The following CDYL variants were observed in gnomAD, a reference collection of about 807,000 sequenced individuals.
CDYL encodes the protein chromodomain Y-like protein.
A neutral mutation model predicts 47.3 loss-of-function variants in CDYL; 8 were observed. That is an observed-to-expected ratio of 0.17 (90% confidence interval 0.10 to 0.31). The LOEUF (loss-of-function observed/expected upper bound fraction) is 0.31. CDYL is among the 10% of genes least tolerant of loss of function. The pLI, the probability that CDYL is intolerant of heterozygous loss-of-function variation, is 1.00. For missense variants in CDYL, 471 were observed against 701.4 expected, an observed-to-expected ratio of 0.67 and a Z score of 3.71; for synonymous variants, 266 against 265.0, an observed-to-expected ratio of 1.00 and a Z score of -0.04.
Position 4,891,877 on chromosome 6 carries a change from G to C in CDYL, c.189G>C (p.Gln63His). 1 of 1,614,188 alleles carries C rather than the reference G, an allele frequency of 6.2e-7. No individual in the cohort carries two copies. The highest frequency in any genetic ancestry group is 8.5e-7 in the Non-Finnish European group (1 of 1,180,040). ...HDFNRRHTEK[Q>H]KESTLTRTNR... ...TCAACAGACGCCACACGGAGAAGCA[G>C]AAGGAGAGCACATTGACCAGAACAA... Residue 63 changes from glutamine to histidine, a missense_variant, in exon 2 of 7, where the codon CAG becomes CAC. Gln to His is a conservative substitution (Grantham distance 24). Around this residue, in one of 3 missense-constraint regions of CDYL, gnomAD observed 311 missense variants for 350.0 expected, o/e 0.89. Coordinates refer to ENST00000397588, the MANE Select transcript of CDYL (RefSeq NM_004824.4).
chr6:4,908,328 G>C (rs1757301331), intron 2 of CDYL, among the ~76,000 whole-genome samples: 1 of 152,158 alleles, frequency 6.6e-6, no homozygotes, highest in Non-Finnish European at 1.5e-5. Context: ...GATGATCAGA[G>C]GGTGCGAGCA....
chr6:4,713,248 G>A (rs1378713483), intron 1 of CDYL, among the ~76,000 whole-genome samples: 3 of 152,146 alleles, frequency 2.0e-5, no homozygotes, highest in Admixed American at 6.5e-5. Context: ...CCTGGATCTC[G>A]TGCTTCTCTG....
At chr6:4,860,687 C>T (rs566112913) in intron 1 of CDYL, among the ~76,000 whole-genome samples, 193 of 150,036 alleles carry the variant, frequency 1.3e-3, no homozygotes, top group Non-Finnish European at 2.3e-3. Flanking sequence ...TTAACTTACA[C>T]AATCACAAGG....
At chr6:4,891,650 A>G in intron 1 of CDYL, 63 bp from the exon 2 acceptor site, 1 of 1,342,936 alleles carries the variant, frequency 7.4e-7, no homozygotes, top group South Asian at 1.4e-5. Flanking sequence ...TTCCTAATGA[A>G]ACTTGCACTT....
intron 1 of CDYL, among the ~76,000 whole-genome samples, chr6:4,808,887 T>G (rs1424734735): frequency 1.3e-5 from 2 of 152,240 alleles, no homozygotes; most frequent in Non-Finnish European, 2.9e-5. Context: ...ACTGCTTGGA[T>G]TCCATTTTTT....
At chr6:4,715,886 G>T in intron 2 of CDYL, 1 of 1,612,616 alleles carries the variant, frequency 6.2e-7, no homozygotes, top group Admixed American at 1.7e-5. Context: ...ACAACGGTAA[G>T]AACTTGCAGG....
intron 2 of CDYL, among the ~76,000 whole-genome samples, chr6:4,901,995 T>C (rs1310363873): frequency 1.3e-5 from 2 of 152,206 alleles, no homozygotes; most frequent in Admixed American, 1.3e-4. Context: ...AAGGGGCTTC[T>C]CTTCCTCCTA....
At chr6:4,860,269 G>A (rs544752446) in intron 1 of CDYL, among the ~76,000 whole-genome samples, 3 of 151,986 alleles carry the variant, frequency 2.0e-5, no homozygotes, top group Non-Finnish European at 4.4e-5. Context: ...TGTGACTTTA[G>A]TGTTAACGTT....
chr6:4,934,169 G>A (rs1758115990), intron 2 of CDYL, among the ~76,000 whole-genome samples: 1 of 152,162 alleles, frequency 6.6e-6, no homozygotes, highest in Admixed American at 6.5e-5. Context: ...TATCCATGGA[G>A]ATACTCTGGA....
At chr6:4,715,405 C>T (rs183726152) in intron 1 of CDYL, among the ~76,000 whole-genome samples, 2 of 152,322 alleles carry the variant, frequency 1.3e-5, no homozygotes, top group East Asian at 3.9e-4. Flanking sequence ...GCCTTCCAAC[C>T]TCATGATAAG....
chr6:4,794,944 T>C (rs912268680), intron 1 of CDYL, among the ~76,000 whole-genome samples: 2 of 152,188 alleles, frequency 1.3e-5, no homozygotes, highest in Admixed American at 6.5e-5. Context: ...CAATTATATC[T>C]TGTGCAAATA....
chr6:4,768,572 A>G (rs1202801206), intron 3 of CDYL, among the ~76,000 whole-genome samples: 1 of 152,218 alleles, frequency 6.6e-6, no homozygotes, highest in Non-Finnish European at 1.5e-5. Context: ...ATGAGTCTCA[A>G]TTGATATAAA....
intron 1 of CDYL, among the ~76,000 whole-genome samples, chr6:4,799,624 A>G (rs1369265115): frequency 1.3e-5 from 2 of 151,864 alleles, no homozygotes; most frequent in African/African-American, 4.8e-5. Context: ...TTTTGTAGAG[A>G]TGGGGTTTCA....
chr6:4,904,721 G>A (rs1351027470), intron 2 of CDYL, among the ~76,000 whole-genome samples: 2 of 152,182 alleles, frequency 1.3e-5, no homozygotes, highest in African/African-American at 4.8e-5. Context: ...TCTGTCTGCA[G>A]TTTAAGTTCT....
chr6:4,796,054 G>C (rs145025299), intron 1 of CDYL, among the ~76,000 whole-genome samples: 28 of 152,190 alleles, frequency 1.8e-4, no homozygotes, highest in African/African-American at 6.3e-4. Context: ...CTGCCTCCCA[G>C]GTTCAAGTGA....
At chr6:4,791,403 C>G in intron 1 of CDYL, among the ~76,000 whole-genome samples, 1 of 152,212 alleles carries the variant, frequency 6.6e-6, no homozygotes, top group Middle Eastern at 3.2e-3. Flanking sequence ...TACTGAAGTA[C>G]TTTAGTTCAC....
chr6:4,741,733 C>A (rs570648363), intron 3 of CDYL, among the ~76,000 whole-genome samples: 1 of 152,308 alleles, frequency 6.6e-6, no homozygotes, highest in Admixed American at 6.5e-5. Flanking sequence ...AGCTGGGCAG[C>A]AATGTGCCTG....
chr6:4,878,730 G>T lies in CDYL; in HGVS notation c.25-12983G>T, dbSNP rs140783175. Among the ~76,000 whole-genome samples, 633 of 151,350 alleles carry T rather than the reference G, an allele frequency of 4.2e-3. 1 individual carries two copies. Among genetic ancestry groups the T allele is most frequent in the African/African-American group, 0.014 (595 of 41,266 alleles). On this transcript the variant is annotated intron_variant, in intron 1 of 6. Transcript: ENST00000397588. ...ATAATATTCCAAAGAAGCATCTTTT[G>T]GCTTTTTAATTGTTATTTGTATTGC... is the stretch of plus-strand genomic sequence containing the variant.
At chr6:4,713,577 A>G (rs865796431) in intron 1 of CDYL, among the ~76,000 whole-genome samples, 2 of 128,586 alleles carry the variant, frequency 1.6e-5, no homozygotes, top group African/African-American at 6.3e-5. Context: ...TAAAACTTCT[A>G]TCATTTAGAT....
Sources: allele counts gnomAD v4.1 joint callset (sites outside exome capture counted in the v4.1 genomes callset), GRCh38; gene constraint gnomAD v4.1.1; regional missense constraint gnomAD v4.1.1; transcripts MANE v1.5; gene names NCBI Gene and HGNC (gene_info 2026-07-23, HGNC 2026-07-21).